The following CFTR variants were observed in gnomAD, a reference collection of about 807,000 sequenced individuals.
The protein encoded by CFTR is cystic fibrosis transmembrane conductance regulator.
A neutral mutation model predicts 171.6 loss-of-function variants in CFTR; 181 were observed. That is an observed-to-expected ratio of 1.05 (90% confidence interval 0.93 to 1.19). The LOEUF is 1.19. Among genes scored for constraint, CFTR ranks in the 50% most tolerant of loss-of-function variants. The pLI is 0.00. For missense variants in CFTR, 1,968 were observed against 1,734.7 expected, an observed-to-expected ratio of 1.13 and a Z score of -2.39; for synonymous variants, 583 against 608.0, an observed-to-expected ratio of 0.96 and a Z score of 0.60.
intron 23 of CFTR, among the ~76,000 whole-genome samples, chr7:117,647,124 A>T (rs10249971): frequency 0.033 from 5,084 of 152,170 alleles, 224 homozygotes; most frequent in African/African-American, 0.098. Context: ...GATATTCTTG[A>T]AAACAAAGCA....
chr7:117,557,644 G>A lies in CFTR; in HGVS notation c.1393-1820G>A, dbSNP rs575421176. ...TTTTCTTTTTCATTGAATGTATTTG[G>A]GCCTGCATATGTCTAACATGAAAAT... On this transcript the variant is annotated intron_variant, in intron 10 of 26. Transcript: ENST00000003084. Among the ~76,000 whole-genome samples, 166 of 151,526 alleles carry A rather than the reference G, an allele frequency of 1.1e-3. 1 individual carries two copies. Among genetic ancestry groups the A allele is most frequent in the African/African-American group, 4.0e-3 (165 of 41,336 alleles).
Position 117,599,550 on chromosome 7 carries a change from G to C in CFTR, c.2620-3276G>C, listed in dbSNP as rs143212510. Among the ~76,000 whole-genome samples the C allele has an allele frequency of 1.5e-3, 234 of 151,956 alleles. 2 individuals are homozygous for C. The highest frequency in any genetic ancestry group is 1.8e-3 in the Non-Finnish European group (120 of 67,922). The stretch of plus-strand genomic sequence containing the variant: ...AATTATTGCAAAAAATTACCTTTTA[G>C]TGGACAAAACAATTGATATTGCCCT... On this transcript the variant is annotated intron_variant, in intron 15 of 26. Coordinates refer to ENST00000003084, the MANE Select transcript of CFTR (RefSeq NM_000492.4).
In CFTR at chr7:117,594,995, T is replaced by C; in HGVS notation, c.2556T>C (p.Tyr852=). 2 of 1,613,054 alleles carry C rather than the reference T, an allele frequency of 1.2e-6. No homozygotes were observed. Among genetic ancestry groups the C allele is most frequent in the Non-Finnish European group, 1.7e-6 (2 of 1,179,326 alleles). The change falls in exon 15 of 27, where the codon TAT becomes TAC. Residue 852 remains tyrosine (Y), a synonymous_variant. Coordinates refer to ENST00000003084, the MANE Select transcript of CFTR (RefSeq NM_000492.4). ...AVTTWNTYLR[Y]ITVHKSLIFV... The stretch of plus-strand genomic sequence containing the variant: ...CTACATGGAACACATACCTTCGATA[T>C]ATTACTGTCCACAAGAGCTTAATTT...
At chr7:117,518,665 A>G (rs2116654103) in intron 3 of CFTR, among the ~76,000 whole-genome samples, 1 of 151,206 alleles carries the variant, frequency 6.6e-6, no homozygotes, top group South Asian at 2.1e-4. Context: ...TCCTGGGCTC[A>G]AGTGATCCTA....
chr7:117,553,488 T>C (rs552152657), intron 10 of CFTR, among the ~76,000 whole-genome samples: 1 of 152,180 alleles, frequency 6.6e-6, no homozygotes, highest in African/African-American at 2.4e-5. Flanking sequence ...CAAATGTCCT[T>C]CCCTGAAATT....
intron 10 of CFTR, among the ~76,000 whole-genome samples, chr7:117,556,020 T>A (rs1351024641): frequency 2.6e-5 from 4 of 152,162 alleles, no homozygotes; most frequent in Non-Finnish European, 5.9e-5. Flanking sequence ...TATTCATAAA[T>A]AAGATTAAAT....
chr7:117,521,089 T>C (rs1798678785), intron 3 of CFTR, among the ~76,000 whole-genome samples: 1 of 151,994 alleles, frequency 6.6e-6, no homozygotes, highest in Non-Finnish European at 1.5e-5. Flanking sequence ...TGCTATTACA[T>C]TGTATCTTTT....
intron 7 of CFTR, among the ~76,000 whole-genome samples, chr7:117,537,973 A>C (rs980536574): frequency 4.6e-5 from 7 of 152,210 alleles, no homozygotes; most frequent in Non-Finnish European, 1.0e-4. Flanking sequence ...TGATAAACTC[A>C]TGGCTGGGTC....
At chr7:117,611,977 T>C (rs1792396873) in intron 20 of CFTR, among the ~76,000 whole-genome samples, 169 bp downstream of exon 20, 2 of 141,766 alleles carry the variant, frequency 1.4e-5, no homozygotes, top group South Asian at 2.2e-4. Context: ...CATTGTTTTA[T>C]TGTTAAACAA....
intron 11 of CFTR, among the ~76,000 whole-genome samples, chr7:117,560,056 T>C (rs1799436279): frequency 6.6e-6 from 1 of 152,018 alleles, no homozygotes; most frequent in Admixed American, 6.6e-5. Context: ...TTAAGATTAT[T>C]TTAATAATTT....
chr7:117,501,518 G>A (rs1348938033), intron 1 of CFTR, among the ~76,000 whole-genome samples: 1 of 151,908 alleles, frequency 6.6e-6, no homozygotes, highest in East Asian at 1.9e-4. Flanking sequence ...GACCGAGGCA[G>A]GTGGATTGCC....
intron 3 of CFTR, among the ~76,000 whole-genome samples, chr7:117,522,110 C>T (rs1361524631): frequency 1.3e-5 from 2 of 152,104 alleles, no homozygotes; most frequent in East Asian, 3.9e-4. Flanking sequence ...AAATTGTTCC[C>T]ACCAGGAATG....
At chr7:117,645,750 C>T (rs529905221) in intron 23 of CFTR, among the ~76,000 whole-genome samples, 7 of 152,238 alleles carry the variant, frequency 4.6e-5, no homozygotes, top group African/African-American at 1.7e-4. Context: ...GTTTATAAAC[C>T]TGGCACTTCT....
At chr7:117,583,298 A>C (rs1477451865) in intron 11 of CFTR, among the ~76,000 whole-genome samples, 1 of 151,948 alleles carries the variant, frequency 6.6e-6, no homozygotes, top group Non-Finnish European at 1.5e-5. Flanking sequence ...CACTGTACCC[A>C]ATATGTAGTC....
chr7:117,588,897 A>G (rs564433102), intron 12 of CFTR, among the ~76,000 whole-genome samples: 3 of 152,270 alleles, frequency 2.0e-5, no homozygotes, highest in South Asian at 4.1e-4. Context: ...CAATAAATCA[A>G]TAGATACGGA....
intron 5 of CFTR, 150 bp from the exon 6 acceptor site, chr7:117,535,098 G>A (rs1206927187): frequency 9.5e-6 from 8 of 838,840 alleles, no homozygotes; most frequent in African/African-American, 1.7e-5. Flanking sequence ...TGTGCTCCAT[G>A]TAATGATTAC....
At chr7:117,617,377 C>T (rs1163544069) in intron 21 of CFTR, among the ~76,000 whole-genome samples, 8 of 150,614 alleles carry the variant, frequency 5.3e-5, no homozygotes, top group East Asian at 2.0e-4. Flanking sequence ...TAACATTTAA[C>T]GTTAAGTTGC....
intron 3 of CFTR, among the ~76,000 whole-genome samples, chr7:117,519,788 A>C (rs1275457755): frequency 1.3e-5 from 2 of 151,956 alleles, no homozygotes; most frequent in Non-Finnish European, 2.9e-5. Flanking sequence ...TGGCTGTACC[A>C]TGATTTATTT....
Position 117,587,790 on chromosome 7 carries a change from A to T in CFTR, c.1636A>T (p.Ile546Phe), listed in dbSNP as rs1194722899. 2 of 1,612,114 alleles carry T rather than the reference A, an allele frequency of 1.2e-6. No homozygotes were observed. Among genetic ancestry groups the T allele is most frequent in the African/African-American group, 1.3e-5 (1 of 74,884 alleles). ...CAATATAGTTCTTGGAGAAGGTGGAATCACACTGAGTGGAGGTCAACGAGC... is the reference window on the plus strand; with the variant it reads ...CAATATAGTTCTTGGAGAAGGTGGATTCACACTGAGTGGAGGTCAACGAGC... ...KDNIVLGEGG[I>F]TLSGGQRARI... Residue 546 changes from isoleucine (I) to phenylalanine (F), a missense_variant, in exon 12 of 27, where the codon ATC (isoleucine) becomes TTC (phenylalanine). Coordinates refer to ENST00000003084, the MANE Select transcript of CFTR (RefSeq NM_000492.4).
Sources: gnomAD v4.1 joint callset for allele counts (sites outside exome capture counted in the v4.1 genomes callset) on GRCh38, gnomAD v4.1.1 for gene constraint, MANE v1.5 for transcripts, NCBI Gene and HGNC (gene_info 2026-07-23, HGNC 2026-07-21) for gene names.